The following SCHIP1 variants were observed in gnomAD, a reference collection of about 807,000 sequenced individuals.
SCHIP1 encodes schwannomin interacting protein 1.
A neutral mutation model predicts 29.7 loss-of-function variants in SCHIP1; 8 were observed. The observed-to-expected ratio is 0.27, with a 90% CI of 0.16 to 0.49. SCHIP1 has a LOEUF of 0.49. SCHIP1 is among the 20% of genes least tolerant of loss of function. SCHIP1 has a pLI of 0.99. For missense variants in SCHIP1, 193 were observed against 294.6 expected (o/e 0.66, Z 2.52); for synonymous variants, 76 against 94.9 (o/e 0.80, Z 1.16).
At chr3:159,336,113 C>T in the SCHIP1 span, among the ~76,000 whole-genome samples, 1 of 152,166 alleles carries the variant, frequency 6.6e-6, no homozygotes, top group Admixed American at 6.5e-5. Context: ...AGCATTTTTT[C>T]ATGTGTCTTT....
At chr3:159,760,712 C>T in the SCHIP1 span, among the ~76,000 whole-genome samples, 2 of 152,160 alleles carry the variant, frequency 1.3e-5, no homozygotes, top group African/African-American at 2.4e-5. Flanking sequence ...CACTAGAAGC[C>T]CTGACCCATC....
the SCHIP1 span, among the ~76,000 whole-genome samples, chr3:159,615,241 A>G: frequency 6.6e-6 from 1 of 152,190 alleles, no homozygotes; most frequent in African/African-American, 2.4e-5. Context: ...GTTGTGAGGA[A>G]GAGGGAAGAG....
the SCHIP1 span, among the ~76,000 whole-genome samples, chr3:159,649,108 A>G: frequency 9.8e-5 from 15 of 152,294 alleles, no homozygotes; most frequent in East Asian, 2.7e-3. Flanking sequence ...TTGTTCAACA[A>G]TAAAACAAGA....
At chr3:159,765,238 C>T in the SCHIP1 span, 1 of 1,351,494 alleles carries the variant, frequency 7.4e-7, no homozygotes, top group East Asian at 2.9e-5. Flanking sequence ...GCCCGCGGCC[C>T]CATTCATTCT....
the SCHIP1 span, among the ~76,000 whole-genome samples, chr3:159,404,100 C>T: frequency 3.9e-5 from 6 of 152,128 alleles, no homozygotes; most frequent in Admixed American, 1.3e-4. Flanking sequence ...GACTAAAGAG[C>T]CCTTGGGCCC....
the SCHIP1 span, among the ~76,000 whole-genome samples, chr3:159,447,426 G>T: frequency 2.0e-5 from 3 of 152,172 alleles, no homozygotes; most frequent in African/African-American, 7.2e-5. Context: ...TGGGGAACTA[G>T]AGAGTAAAAA....
chr3:159,396,554 G>T, the SCHIP1 span, among the ~76,000 whole-genome samples: 4 of 149,082 alleles, frequency 2.7e-5, no homozygotes, highest in African/African-American at 9.9e-5. Context: ...TGTCTGTAAA[G>T]TATTTTATTT....
the SCHIP1 span, among the ~76,000 whole-genome samples, chr3:159,669,853 G>A: frequency 1.3e-5 from 2 of 152,148 alleles, no homozygotes; most frequent in African/African-American, 4.8e-5. Context: ...GCCCTAGGAG[G>A]AAGCTATGTG....
At chr3:159,676,379 T>C in the SCHIP1 span, among the ~76,000 whole-genome samples, 2 of 152,226 alleles carry the variant, frequency 1.3e-5, no homozygotes, top group East Asian at 1.9e-4. Context: ...CTAATTACTA[T>C]TTGGCTAATT....
the SCHIP1 span, among the ~76,000 whole-genome samples, chr3:159,734,481 C>T: frequency 1.3e-3 from 200 of 151,788 alleles, 2 homozygotes; most frequent in East Asian, 0.033. Context: ...GTATTTCCAA[C>T]GAAAAAAAAG....
At chr3:159,717,689 G>A in the SCHIP1 span, among the ~76,000 whole-genome samples, 5 of 152,168 alleles carry the variant, frequency 3.3e-5, no homozygotes, top group Non-Finnish European at 5.9e-5. Flanking sequence ...GGAAGAAGTT[G>A]AATCCCTGAA....
the SCHIP1 span, among the ~76,000 whole-genome samples, chr3:159,690,547 C>T: frequency 1.3e-5 from 2 of 152,182 alleles, no homozygotes; most frequent in Non-Finnish European, 2.9e-5. Context: ...AAAAAACCAA[C>T]TCCTGGATTC....
chr3:159,536,447 G>A, the SCHIP1 span, among the ~76,000 whole-genome samples: 5 of 152,304 alleles, frequency 3.3e-5, no homozygotes, highest in African/African-American at 1.2e-4. Context: ...CTAGGGCAGA[G>A]TCTTACATTT....
At chr3:159,413,507 C>T in the SCHIP1 span, among the ~76,000 whole-genome samples, 1 of 152,072 alleles carries the variant, frequency 6.6e-6, no homozygotes, top group African/African-American at 2.4e-5. Context: ...TCTTGAGGGC[C>T]CATTAAGTGT....
chr3:159,535,648 G>A, the SCHIP1 span, among the ~76,000 whole-genome samples: 1 of 152,194 alleles, frequency 6.6e-6, no homozygotes, highest in Non-Finnish European at 1.5e-5. Context: ...AGACTAGTTG[G>A]ATTGTAGACT....
the SCHIP1 span, among the ~76,000 whole-genome samples, chr3:159,413,345 C>A: frequency 1.3e-5 from 2 of 152,150 alleles, no homozygotes; most frequent in Non-Finnish European, 2.9e-5. Flanking sequence ...TATGCAGATT[C>A]CCTTCAGATA....
chr3:159,875,037 A>AAC (rs1715660665), intron 2 of SCHIP1, among the ~76,000 whole-genome samples: 2 of 151,592 alleles, frequency 1.3e-5, no homozygotes, highest in African/African-American at 4.8e-5. Flanking sequence ...AAAAAACAAA[A>AAC]ACTATCATTT....
At chr3:159,421,179 G>T in the SCHIP1 span, among the ~76,000 whole-genome samples, 1 of 152,050 alleles carries the variant, frequency 6.6e-6, no homozygotes, top group African/African-American at 2.4e-5. Context: ...CACAGAATTT[G>T]TCACCTTTTG....
chr3:159,404,768 A>T, the SCHIP1 span, among the ~76,000 whole-genome samples: 1 of 152,196 alleles, frequency 6.6e-6, no homozygotes, highest in South Asian at 2.1e-4. Flanking sequence ...CTGATTGTAC[A>T]GCCCTAGGGC....
Sources: allele counts gnomAD v4.1 joint callset (sites outside exome capture counted in the v4.1 genomes callset), GRCh38; gene constraint gnomAD v4.1.1; transcripts MANE v1.5; gene names NCBI Gene and HGNC (gene_info 2026-07-23, HGNC 2026-07-21).